Variants in UQCC1 observed in about 807,000 individuals in gnomAD.
UQCC1 encodes the protein bFGF-repressed Zic-binding protein.
A neutral mutation model predicts 48.0 loss-of-function variants in UQCC1; 38 were observed. The ratio of observed to expected loss-of-function variants is 0.79; its 90% CI spans 0.61 to 1.04. The LOEUF (loss-of-function observed/expected upper bound fraction) is 1.04, where lower values mean the gene tolerates loss of function less well. Among genes scored for constraint, UQCC1 ranks in the 50% least tolerant of loss-of-function variants. The pLI is 0.00. For missense variants in UQCC1, 368 were observed against 381.8 expected (o/e 0.96, Z 0.30); for synonymous variants, 111 against 129.2 (o/e 0.86, Z 0.95).
chr20:35,389,152 G>A (rs1277150911), intron 2 of UQCC1, among the ~76,000 whole-genome samples: 2 of 152,124 alleles, frequency 1.3e-5, no homozygotes, highest in African/African-American at 2.4e-5. Flanking sequence ...AGAAAATACA[G>A]CATGAACCTG....
chr20:35,339,782 G>T (rs2061357694), intron 7 of UQCC1, among the ~76,000 whole-genome samples: 1 of 152,030 alleles, frequency 6.6e-6, no homozygotes, highest in Non-Finnish European at 1.5e-5. Context: ...AAAGAAAAGG[G>T]TGTGTATATG....
chr20:35,348,429 A>G (rs2061454248), intron 6 of UQCC1, among the ~76,000 whole-genome samples: 1 of 152,050 alleles, frequency 6.6e-6, no homozygotes, highest in Non-Finnish European at 1.5e-5. Flanking sequence ...TCGCTCTGTC[A>G]CCCAGGCTGG....
intron 1 of UQCC1, among the ~76,000 whole-genome samples, chr20:35,402,448 G>C (rs1428786571): frequency 2.6e-5 from 4 of 151,818 alleles, no homozygotes; most frequent in Admixed American, 2.6e-4. Context: ...TGTGGTGGTG[G>C]GCGCCTGTAG....
Position 35,389,175 on chromosome 20 carries a change from G to A in UQCC1, c.129+4917C>T, listed in dbSNP as rs377236665. On this transcript the variant is annotated intron_variant, in intron 2 of 9. Coordinates refer to ENST00000374385, the MANE Select transcript of UQCC1 (RefSeq NM_018244.5). ...CAGCATGAACCTGAAACATCTTGTG[G>A]TGCCAGCAATTAAGAGAGTATTCAA... Among the ~76,000 whole-genome samples the A allele has an allele frequency of 2.0e-5, 3 of 152,272 alleles. No homozygotes were observed. The East Asian group carries it at 5.8e-4, about 29-fold the overall frequency.
intron 1 of UQCC1, among the ~76,000 whole-genome samples, chr20:35,395,510 AT>A (rs764467355): frequency 4.8e-4 from 72 of 150,304 alleles, no homozygotes; most frequent in Admixed American, 8.0e-4. Flanking sequence ...TTATAAATAA[AT>A]AAAAAAAAAA....
intron 9 of UQCC1, among the ~76,000 whole-genome samples, chr20:35,305,894 A>G (rs2060923125): frequency 1.3e-5 from 2 of 152,214 alleles, no homozygotes; most frequent in South Asian, 4.1e-4. Context: ...CTCAGTGGTC[A>G]CATGAATCAC....
intron 1 of UQCC1, among the ~76,000 whole-genome samples, chr20:35,394,584 C>T (rs1191374331): frequency 6.6e-6 from 1 of 152,108 alleles, no homozygotes; most frequent in East Asian, 1.9e-4. Context: ...ATCATGCCAA[C>T]AATAAGCCTC....
chr20:35,378,738 C>T (rs546876533), intron 4 of UQCC1, among the ~76,000 whole-genome samples: 1 of 152,294 alleles, frequency 6.6e-6, no homozygotes, highest in Admixed American at 6.5e-5. Context: ...CCATCTGGGC[C>T]TCTGTTCAAA....
At chr20:35,310,552 A>G in intron 8 of UQCC1, among the ~76,000 whole-genome samples, 1 of 145,228 alleles carries the variant, frequency 6.9e-6, no homozygotes, top group East Asian at 2.2e-4. Context: ...AGGCTGAGGC[A>G]GGAGAATCCC....
At chr20:35,304,100 G>A (rs2060901563) in intron 9 of UQCC1, 31 bp from the exon 10 acceptor site, 3 of 1,613,588 alleles carry the variant, frequency 1.9e-6, no homozygotes, top group Middle Eastern at 1.7e-4. Flanking sequence ...AGGAGGAAGC[G>A]ACAGAGGCAG....
At chr20:35,310,520 C>T (rs2060978033) in intron 8 of UQCC1, among the ~76,000 whole-genome samples, 1 of 151,310 alleles carries the variant, frequency 6.6e-6, no homozygotes. Context: ...GTGGCGCCTG[C>T]CTCTAGTCCC....
intron 4 of UQCC1, among the ~76,000 whole-genome samples, chr20:35,378,656 G>A (rs552331430): frequency 2.1e-4 from 32 of 152,124 alleles, no homozygotes; most frequent in African/African-American, 7.2e-4. Flanking sequence ...GAGTTAGAAG[G>A]GTGTTTTAAG....
intron 2 of UQCC1, among the ~76,000 whole-genome samples, chr20:35,385,575 G>A (rs6142370): frequency 0.54 from 82,498 of 151,988 alleles, 23,426 homozygotes; most frequent in East Asian, 0.72. Flanking sequence ...AATCTCAGCT[G>A]ACTGCAACCT....
intron 6 of UQCC1, among the ~76,000 whole-genome samples, chr20:35,358,956 T>C (rs952535074): frequency 2.6e-5 from 4 of 152,150 alleles, no homozygotes; most frequent in African/African-American, 7.2e-5. Flanking sequence ...TACATAATAC[T>C]GATCTCTTTT....
chr20:35,351,806 A>G (rs1470633177), intron 6 of UQCC1, among the ~76,000 whole-genome samples: 1 of 152,254 alleles, frequency 6.6e-6, no homozygotes, highest in East Asian at 1.9e-4. Flanking sequence ...GCCCTTACAG[A>G]TAACAGTGGG....
At chr20:35,326,442 T>G (rs17092565) in intron 7 of UQCC1, among the ~76,000 whole-genome samples, 12,909 of 152,220 alleles carry the variant, frequency 0.085, 733 homozygotes, top group South Asian at 0.22. Flanking sequence ...ATGTCTCCTA[T>G]GTTGTGGTAA....
At chr20:35,393,878 G>T (rs978249067) in intron 2 of UQCC1, among the ~76,000 whole-genome samples, 2 of 152,058 alleles carry the variant, frequency 1.3e-5, no homozygotes, top group African/African-American at 4.8e-5. Flanking sequence ...ACTGTAGCAT[G>T]GTATCCTAGG....
chr20:35,366,755 G>A (rs2061671257), intron 5 of UQCC1, 141 bp from the exon 6 acceptor site: 1 of 643,096 alleles, frequency 1.6e-6, no homozygotes, highest in Admixed American at 2.9e-5. Context: ...AATAGGGCGA[G>A]ACCACAGGAT....
chr20:35,360,582 T>C (rs1462820875), intron 6 of UQCC1, among the ~76,000 whole-genome samples: 1 of 152,202 alleles, frequency 6.6e-6, no homozygotes, highest in Non-Finnish European at 1.5e-5. Context: ...TCTTGAAAAG[T>C]AGTTTACAAT....
Sources: gnomAD v4.1 joint callset for allele counts (sites outside exome capture counted in the v4.1 genomes callset) on GRCh38, gnomAD v4.1.1 for gene constraint, MANE v1.5 for transcripts, NCBI Gene and HGNC (gene_info 2026-07-23, HGNC 2026-07-21) for gene names.